The following FOXP2 variants were observed in gnomAD, a reference collection of about 807,000 sequenced individuals.
The protein encoded by FOXP2 is forkhead box protein P2.
A neutral mutation model predicts 115.8 loss-of-function variants in FOXP2; 12 were observed. The ratio of observed to expected loss-of-function variants is 0.10; its 90% CI spans 0.07 to 0.17. FOXP2 has a LOEUF of 0.17. Among genes scored for constraint, FOXP2 ranks in the 10% least tolerant of loss-of-function variants. The pLI is 1.00. For synonymous variants in FOXP2, 328 were observed against 297.7 expected, an observed-to-expected ratio of 1.10 and a Z score of -1.05; for missense variants, 629 against 843.5, an observed-to-expected ratio of 0.75 and a Z score of 3.15.
chr7:114,663,782 A>T (rs915874896), intron 15 of FOXP2, among the ~76,000 whole-genome samples: 1 of 152,154 alleles, frequency 6.6e-6, no homozygotes, highest in Non-Finnish European at 1.5e-5. Flanking sequence ...TTGCAAGTGC[A>T]TGTGGCTATG....
intron 1 of FOXP2, among the ~76,000 whole-genome samples, chr7:114,091,248 G>A (rs1421995404): frequency 2.6e-5 from 4 of 151,788 alleles, no homozygotes; most frequent in Admixed American, 2.0e-4. Context: ...TAAAGAAATA[G>A]TATGACCTAA....
chr7:114,186,012 GAC>G (rs1223012014), intron 1 of FOXP2, among the ~76,000 whole-genome samples: 1 of 151,826 alleles, frequency 6.6e-6, no homozygotes, highest in African/African-American at 2.4e-5. Flanking sequence ...AGGAGGGCTG[GAC>G]TTACCCTTTT....
chr7:114,692,084 GA>G lies in FOXP2; in HGVS notation c.*2161del. ...GGAAGTTTACAATATGGTATTAAAA[GA>G]AAGATGGGTATGGTGAAAGATGGTT... On this transcript the variant is annotated 3_prime_UTR_variant, in exon 17 of 17. Coordinates refer to ENST00000350908, the MANE Select transcript of FOXP2 (RefSeq NM_014491.4). The G allele has an allele frequency of 2.2e-6, 1 of 453,944 alleles. No homozygotes were observed. Among genetic ancestry groups the G allele is most frequent in the Non-Finnish European group, 4.4e-6 (1 of 226,688 alleles). 28.1% of individuals were successfully genotyped at this position (453,944 alleles called of 1,614,324 possible). A position where few individuals can be genotyped will look rare whatever the true frequency, so the allele number is the denominator to read the frequency against.
chr7:114,341,391 A>T (rs945126560), intron 2 of FOXP2, among the ~76,000 whole-genome samples: 4 of 151,318 alleles, frequency 2.6e-5, no homozygotes, highest in Non-Finnish European at 4.4e-5. Context: ...GTTTGGGAAC[A>T]ATCTTATGAT....
chr7:114,689,893 T>C lies in FOXP2; in HGVS notation c.2115T>C (p.Ile705=), dbSNP rs777988368. 1.9e-6 allele frequency: 3 copies of C among 1,613,348 alleles called. No homozygotes were observed. In the African/African-American group the frequency reaches 4.0e-5, roughly 22 times the overall value. The change falls in exon 17 of 17, where the codon ATT becomes ATC. Residue 705 remains isoleucine (I), a synonymous_variant. Transcript: ENST00000350908. ...HSPELEDDRE[I]EEEPLSEDLE is the part of the protein sequence containing the mutation. Reference sequence around the variant, plus strand: ...CAGAATTAGAAGACGACAGAGAGATTGAAGAAGAGCCTTTATCTGAAGATC... The same window carrying C: ...CAGAATTAGAAGACGACAGAGAGATCGAAGAAGAGCCTTTATCTGAAGATC...
intron 1 of FOXP2, among the ~76,000 whole-genome samples, chr7:114,149,420 A>T (rs910715315): frequency 1.3e-5 from 2 of 152,144 alleles, no homozygotes; most frequent in Non-Finnish European, 2.9e-5. Flanking sequence ...AAGCTGTTAC[A>T]TGGTTTCACT....
chr7:114,216,482 G>A (rs1039133019), intron 1 of FOXP2, among the ~76,000 whole-genome samples: 2 of 151,950 alleles, frequency 1.3e-5, no homozygotes, highest in African/African-American at 2.4e-5. Context: ...AATAAGAAAA[G>A]CATTTTTAGA....
At chr7:114,689,377 A>G (rs1389672846) in intron 16 of FOXP2, among the ~76,000 whole-genome samples, 1 of 152,216 alleles carries the variant, frequency 6.6e-6, no homozygotes, top group African/African-American at 2.4e-5. Context: ...TTTAGAAATA[A>G]CAGTTGTTAT....
intron 1 of FOXP2, among the ~76,000 whole-genome samples, chr7:114,262,602 T>C (rs909348731): frequency 3.9e-5 from 6 of 152,230 alleles, no homozygotes; most frequent in Admixed American, 2.0e-4. Flanking sequence ...CACACAGGGT[T>C]GCTGAGTACT....
intron 2 of FOXP2, among the ~76,000 whole-genome samples, chr7:114,458,832 TA>T (rs757627754): frequency 2.0e-5 from 3 of 152,286 alleles, no homozygotes; most frequent in Middle Eastern, 3.4e-3. Flanking sequence ...TAATGCTTCC[TA>T]AAAAACCATA....
At chr7:114,649,559 T>C (rs1020517898) in intron 8 of FOXP2, among the ~76,000 whole-genome samples, 4 of 152,104 alleles carry the variant, frequency 2.6e-5, no homozygotes, top group African/African-American at 9.7e-5. Context: ...TAAAAGAGAA[T>C]AATTTCGGCA....
chr7:114,343,345 A>G (rs1791260150), intron 2 of FOXP2, among the ~76,000 whole-genome samples: 1 of 151,580 alleles, frequency 6.6e-6, no homozygotes, highest in Non-Finnish European at 1.5e-5. Flanking sequence ...TACTTACTCA[A>G]AGCTCACTGT....
chr7:114,254,602 G>A (rs928929352), intron 1 of FOXP2, among the ~76,000 whole-genome samples: 5 of 152,098 alleles, frequency 3.3e-5, no homozygotes, highest in African/African-American at 1.2e-4. Flanking sequence ...TGAAGCTTGG[G>A]CATTCGTCAC....
chr7:114,192,169 T>TGGACTAC (rs1554429049), intron 1 of FOXP2, among the ~76,000 whole-genome samples: 77 of 152,096 alleles, frequency 5.1e-4, no homozygotes, highest in South Asian at 8.3e-4. Context: ...GTATTTGTAG[T>TGGACTAC]AGAGACGGGG....
chr7:114,544,901 CA>C (rs1167717304), intron 3 of FOXP2, among the ~76,000 whole-genome samples: 1 of 152,100 alleles, frequency 6.6e-6, no homozygotes, highest in Non-Finnish European at 1.5e-5. Context: ...TAACAATCAC[CA>C]CTGCCATACA....
intron 2 of FOXP2, among the ~76,000 whole-genome samples, chr7:114,465,293 CA>C (rs1795754269): frequency 6.6e-6 from 1 of 152,048 alleles, no homozygotes; most frequent in Admixed American, 6.6e-5. Flanking sequence ...TTTATTTTCA[CA>C]ACTATTTTAT....
rs184520223 is a variant in FOXP2 at position 114,435,956 on chromosome 7, G to A, written c.168+9277G>A. Among the ~76,000 whole-genome samples the A allele has an allele frequency of 2.6e-3, 397 of 152,222 alleles. 1 individual carries two copies. The highest frequency in any genetic ancestry group is 9.1e-3 in the African/African-American group (379 of 41,530). ...ACAAATTTACCATAGTTTGGCCTAGGTAGAGGCTGTGAAGAAAAAGAAAAG... is the reference window on the plus strand; with the variant it reads ...ACAAATTTACCATAGTTTGGCCTAGATAGAGGCTGTGAAGAAAAAGAAAAG... On this transcript the variant is annotated intron_variant, in intron 2 of 16. Coordinates refer to ENST00000350908, the MANE Select transcript of FOXP2 (RefSeq NM_014491.4).
intron 2 of FOXP2, among the ~76,000 whole-genome samples, chr7:114,473,002 T>C (rs1354643678): frequency 6.6e-6 from 1 of 152,168 alleles, no homozygotes; most frequent in Non-Finnish European, 1.5e-5. Flanking sequence ...TCATGATAAG[T>C]ACTTCACATG....
intron 3 of FOXP2, among the ~76,000 whole-genome samples, chr7:114,574,730 G>A (rs1337960277): frequency 6.6e-6 from 1 of 151,854 alleles, no homozygotes; most frequent in Non-Finnish European, 1.5e-5. Context: ...GATTCTGCCA[G>A]TTAGTTCTAA....
Sources: gnomAD v4.1 joint callset for allele counts (sites outside exome capture counted in the v4.1 genomes callset) on GRCh38, gnomAD v4.1.1 for gene constraint, MANE v1.5 for transcripts, NCBI Gene and HGNC (gene_info 2026-07-23, HGNC 2026-07-21) for gene names.